The following LDLRAD3 variants were observed in gnomAD, a reference collection of about 807,000 sequenced individuals.
LDLRAD3 encodes the protein low density lipoprotein receptor class A domain containing 3, also known as low-density lipoprotein receptor class A domain-containing protein 3.
Under a neutral mutation model 29.4 loss-of-function variants are expected in LDLRAD3, and 20 were observed. The observed-to-expected ratio is 0.68, with a 90% CI of 0.48 to 0.99. The LOEUF is 0.99. Ranked by LOEUF, LDLRAD3 falls within the 50% of genes least tolerant of loss-of-function variation. The probability of loss-of-function intolerance (pLI) is 0.00; values close to 1 mark genes in which losing one functional copy is unlikely to be tolerated. For synonymous variants in LDLRAD3, 157 were observed against 192.7 expected (o/e 0.81, Z 1.53); for missense variants, 420 against 454.3 (o/e 0.92, Z 0.69).
intron 4 of LDLRAD3, among the ~76,000 whole-genome samples, chr11:36,191,005 A>G (rs1251921834): frequency 1.3e-5 from 2 of 152,212 alleles, no homozygotes; most frequent in African/African-American, 2.4e-5. Context: ...TTAGTCTCAT[A>G]CAGTCCTTTC....
At chr11:36,112,860 C>T (rs1401186738) in intron 4 of LDLRAD3, among the ~76,000 whole-genome samples, 1 of 152,170 alleles carries the variant, frequency 6.6e-6, no homozygotes, top group Non-Finnish European at 1.5e-5. Context: ...TCCCAAATCC[C>T]CAGGAAGCCC....
At chr11:36,058,832 A>G (rs888362691) in intron 2 of LDLRAD3, among the ~76,000 whole-genome samples, 14 of 152,242 alleles carry the variant, frequency 9.2e-5, no homozygotes, top group African/African-American at 3.1e-4. Context: ...CTTACAATGT[A>G]TAGGACAGTC....
chr11:36,057,632 T>G (rs967526902), intron 2 of LDLRAD3, among the ~76,000 whole-genome samples: 1 of 152,220 alleles, frequency 6.6e-6, no homozygotes, highest in African/African-American at 2.4e-5. Context: ...TCTTCTCTCC[T>G]TTGTTTGCTG....
intron 2 of LDLRAD3, among the ~76,000 whole-genome samples, chr11:36,056,244 C>T (rs569730189): frequency 2.0e-4 from 31 of 152,210 alleles, no homozygotes; most frequent in Middle Eastern, 6.8e-3. Context: ...CCACCCGCCG[C>T]GGCCTCCCAA....
At chr11:36,028,998 A>G (rs558309582) in intron 1 of LDLRAD3, among the ~76,000 whole-genome samples, 40 of 152,336 alleles carry the variant, frequency 2.6e-4, no homozygotes, top group Non-Finnish European at 7.3e-5. Context: ...TAATCCAAGC[A>G]CTTTGGGAGG....
chr11:36,026,487 G>C (rs1226953493), intron 1 of LDLRAD3, among the ~76,000 whole-genome samples: 1 of 152,138 alleles, frequency 6.6e-6, no homozygotes, highest in Non-Finnish European at 1.5e-5. Context: ...ATCTTAATAG[G>C]GGCTGGATAA....
intron 4 of LDLRAD3, among the ~76,000 whole-genome samples, chr11:36,132,817 T>C (rs1332129268): frequency 1.3e-5 from 2 of 152,218 alleles, no homozygotes; most frequent in East Asian, 1.9e-4. Context: ...AACGTACTCA[T>C]GCGGGGCCGT....
intron 3 of LDLRAD3, among the ~76,000 whole-genome samples, chr11:36,088,337 G>A (rs150065785): frequency 2.0e-5 from 3 of 152,074 alleles, no homozygotes; most frequent in Non-Finnish European, 4.4e-5. Context: ...ATTCAGTAAG[G>A]ATGAGGACTC....
chr11:36,109,862 A>G (rs1014314553), intron 4 of LDLRAD3: 1 of 152,232 alleles, frequency 6.6e-6, no homozygotes, highest in Non-Finnish European at 1.5e-5. Flanking sequence ...AGTGATGTCA[A>G]GAGCTTCATT....
At chr11:36,015,055 A>G (rs769204219) in intron 1 of LDLRAD3, among the ~76,000 whole-genome samples, 20 of 152,182 alleles carry the variant, frequency 1.3e-4, no homozygotes, top group Non-Finnish European at 2.5e-4. Context: ...CTCCCTGTTC[A>G]GATTCATTTT....
intron 2 of LDLRAD3, among the ~76,000 whole-genome samples, chr11:36,055,212 A>G (rs2133227878): frequency 6.9e-6 from 1 of 145,892 alleles, no homozygotes; most frequent in South Asian, 2.3e-4. Flanking sequence ...TAACAGCCTC[A>G]TATCCTCCCT....
intron 4 of LDLRAD3, among the ~76,000 whole-genome samples, chr11:36,144,309 C>A (rs1274560456): frequency 2.0e-5 from 3 of 150,900 alleles, no homozygotes; most frequent in Non-Finnish European, 4.4e-5. Context: ...CCTGCCTTGG[C>A]CCCCCAAAGT....
intron 4 of LDLRAD3, among the ~76,000 whole-genome samples, chr11:36,187,096 C>A (rs962855293): frequency 2.6e-5 from 4 of 152,126 alleles, no homozygotes; most frequent in Non-Finnish European, 5.9e-5. Flanking sequence ...AGCCTCTTCT[C>A]CTATATCCAT....
At chr11:36,165,932 G>A (rs1214879046) in intron 4 of LDLRAD3, among the ~76,000 whole-genome samples, 1 of 142,682 alleles carries the variant, frequency 7.0e-6, no homozygotes, top group Non-Finnish European at 1.5e-5. Context: ...TTTCTAGGCT[G>A]ACTGGCTTGC....
rs114697273 is a variant in LDLRAD3, at chr11:35,994,872, A to C, written c.47-41231A>C. Reference sequence around the variant, plus strand: ...GCTCATCTGTAAGAAGCAGCTCCTCATCCATTAAATTTGTTCCTGAGATTG... The same window carrying C: ...GCTCATCTGTAAGAAGCAGCTCCTCCTCCATTAAATTTGTTCCTGAGATTG... On this transcript the variant is annotated intron_variant, in intron 1 of 5. Transcript: ENST00000315571. Among the ~76,000 whole-genome samples, 993 of 152,316 alleles carry C rather than the reference A, an allele frequency of 6.5e-3. 13 individuals are homozygous for C. The highest frequency in any genetic ancestry group is 0.023 in the African/African-American group (944 of 41,562).
intron 4 of LDLRAD3, among the ~76,000 whole-genome samples, chr11:36,198,170 A>T (rs16928514): frequency 6.6e-6 from 1 of 152,214 alleles, no homozygotes; most frequent in Non-Finnish European, 1.5e-5. Flanking sequence ...ATAAGCATGA[A>T]GGTCATCAAA....
chr11:35,983,128 A>T (rs1331820645), intron 1 of LDLRAD3, among the ~76,000 whole-genome samples: 2 of 152,170 alleles, frequency 1.3e-5, no homozygotes, highest in African/African-American at 4.8e-5. Flanking sequence ...TGTTGGGATT[A>T]CAGGCGTGAG....
chr11:36,189,219 C>G (rs1256199199), intron 4 of LDLRAD3, among the ~76,000 whole-genome samples: 1 of 152,192 alleles, frequency 6.6e-6, no homozygotes, highest in Admixed American at 6.5e-5. Flanking sequence ...GATGCAGTGG[C>G]TCACACCTGT....
intron 2 of LDLRAD3, among the ~76,000 whole-genome samples, chr11:36,042,077 G>A (rs976065479): frequency 6.6e-6 from 1 of 152,182 alleles, no homozygotes. Context: ...ATAGGGTTGA[G>A]AGGGCAAGTT....
Sources: gnomAD v4.1 joint callset for allele counts (sites outside exome capture counted in the v4.1 genomes callset) on GRCh38, gnomAD v4.1.1 for gene constraint, MANE v1.5 for transcripts, NCBI Gene and HGNC (gene_info 2026-07-23, HGNC 2026-07-21) for gene names.